ADAM10: variants seen among roughly 807,000 people sequenced by gnomAD.
The protein encoded by ADAM10 is ADAM metallopeptidase domain 10, also known as disintegrin and metalloproteinase domain-containing protein 10.
A neutral mutation model predicts 90.1 loss-of-function variants in ADAM10; 17 were observed. That is an observed-to-expected ratio of 0.19 (90% CI 0.13 to 0.28). The LOEUF (loss-of-function observed/expected upper bound fraction) is 0.28, where lower values mean the gene tolerates loss of function less well. Among genes scored for constraint, ADAM10 ranks in the 10% least tolerant of loss-of-function variants. The pLI, the probability that ADAM10 is intolerant of heterozygous loss-of-function variation, is 1.00. For synonymous variants in ADAM10, 310 were observed against 298.6 expected (o/e 1.04, Z -0.40); for missense variants, 610 against 914.3 (o/e 0.67, Z 4.29).
Position 58,591,113 on chromosome 15 carries a change from T to TA in ADAM10, c.*6433dup, listed in dbSNP as rs1432341605. ...CATGTTTAACAGAGAACAAATATTT[T>TA]ACTTAAGTAGTTAGCTAAGCCCTTC... On this transcript the variant is annotated 3_prime_UTR_variant, in exon 16 of 16. Transcript: ENST00000260408. The TA allele has an allele frequency of 6.6e-6, 1 of 151,670 alleles. No individual in the cohort carries two copies. Among genetic ancestry groups the TA allele is most frequent in the Non-Finnish European group, 1.5e-5 (1 of 68,018 alleles). 9.4% of individuals were successfully genotyped at this position (151,670 alleles called of 1,614,324 possible).
chr15:58,735,337 G>A (rs563058623), intron 1 of ADAM10, among the ~76,000 whole-genome samples: 85 of 152,134 alleles, frequency 5.6e-4, no homozygotes, highest in African/African-American at 1.9e-3. Context: ...AGGACAAAAC[G>A]AACAACAAGT....
intron 2 of ADAM10, chr15:58,692,965 T>G (rs4774310): frequency 0.36 from 265,972 of 736,810 alleles, 56,342 homozygotes; most frequent in East Asian, 0.85. Flanking sequence ...TTCCCGAGGG[T>G]TGGGGATGAT....
chr15:58,656,059 A>G (rs1803551630), intron 5 of ADAM10, among the ~76,000 whole-genome samples: 1 of 151,856 alleles, frequency 6.6e-6, no homozygotes, highest in Non-Finnish European at 1.5e-5. Context: ...CTTTATAATT[A>G]TATAGTGACT....
intron 1 of ADAM10, among the ~76,000 whole-genome samples, chr15:58,728,227 C>T (rs1221778783): frequency 2.0e-5 from 3 of 152,100 alleles, no homozygotes; most frequent in Non-Finnish European, 4.4e-5. Context: ...CTAAGTAGTT[C>T]ATGGGTCAAA....
In ADAM10 at chr15:58,589,872, G is replaced by A. The variant is rs1894789420; in HGVS notation, c.*7675C>T. ...CGCCTTTCACAACTCCCAGATTGTTGGGCCAATATCCTAAGGAGAATAACC... is the reference window on the plus strand; with the variant it reads ...CGCCTTTCACAACTCCCAGATTGTTAGGCCAATATCCTAAGGAGAATAACC... On this transcript the variant is annotated 3_prime_UTR_variant, in exon 16 of 16. Coordinates refer to ENST00000260408, the MANE Select transcript of ADAM10 (RefSeq NM_001110.4). 1 of 151,968 alleles carries A rather than the reference G, an allele frequency of 6.6e-6. No individual in the cohort carries two copies. Among genetic ancestry groups the A allele is most frequent in the Non-Finnish European group, 1.5e-5 (1 of 68,018 alleles). The allele number at this position is 151,968 out of a possible 1,614,324, so 9.4% of individuals were successfully genotyped here.
chr15:58,621,500 T>C lies in ADAM10; in HGVS notation c.1482A>G (p.Lys494=). 6.2e-7 allele frequency: 1 copy of C among 1,614,100 alleles called. No homozygotes were observed. The highest frequency in any genetic ancestry group is 2.2e-5 in the East Asian group (1 of 44,862). Residue 494 remains lysine, a synonymous_variant, in exon 11 of 16, where the codon AAA becomes AAG. Transcript: ENST00000260408. The part of the protein sequence containing the change: ...CFDANQPEGR[K]CKLKPGKQCS... Reference sequence around the variant, plus strand: ...ACTGTTTCCCAGGTTTCAGTTTGCATTTTCTTCCCTCTGGTTGATTTGCAT... The same window carrying C: ...ACTGTTTCCCAGGTTTCAGTTTGCACTTTCTTCCCTCTGGTTGATTTGCAT...
At chr15:58,691,851 T>C (rs1260170489) in intron 2 of ADAM10, among the ~76,000 whole-genome samples, 6 of 151,920 alleles carry the variant, frequency 3.9e-5, no homozygotes, top group Non-Finnish European at 7.4e-5. Context: ...AATTTTTGTA[T>C]TTTTAGTAGA....
intron 1 of ADAM10, among the ~76,000 whole-genome samples, chr15:58,720,297 T>C (rs1432955637): frequency 6.6e-6 from 1 of 152,174 alleles, no homozygotes; most frequent in East Asian, 1.9e-4. Context: ...AGTCCAAAAC[T>C]ATCTTCACAA....
At chr15:58,613,094 GC>G (rs1472050358) in intron 11 of ADAM10, among the ~76,000 whole-genome samples, 1 of 152,138 alleles carries the variant, frequency 6.6e-6, no homozygotes, top group Non-Finnish European at 1.5e-5. Context: ...GCCCCAAAAG[GC>G]GTTGCCACTG....
At chr15:58,691,686 T>C (rs1897808074) in intron 2 of ADAM10, 4 of 351,464 alleles carry the variant, frequency 1.1e-5, no homozygotes, top group Middle Eastern at 4.2e-4. Flanking sequence ...CTTTTTTTTT[T>C]TTTTTTTTTT....
intron 2 of ADAM10, among the ~76,000 whole-genome samples, chr15:58,688,999 T>TA (rs1363383911): frequency 6.8e-6 from 1 of 146,572 alleles, no homozygotes; most frequent in Non-Finnish European, 1.5e-5. Context: ...GATAAAATGA[T>TA]AAAAAACTTC....
chr15:58,674,234 C>T (rs1412054753), intron 4 of ADAM10, among the ~76,000 whole-genome samples: 1 of 152,142 alleles, frequency 6.6e-6, no homozygotes, highest in African/African-American at 2.4e-5. Context: ...GTCAACAATA[C>T]CACTAAATTT....
chr15:58,646,333 T>C (rs1261376726), intron 5 of ADAM10, 129 bp from the exon 6 acceptor site: 1 of 962,386 alleles, frequency 1.0e-6, no homozygotes, highest in African/African-American at 1.7e-5. Flanking sequence ...TCTGCTGCCA[T>C]TAAAAGTTCA....
chr15:58,674,144 G>C (rs563540528), intron 4 of ADAM10, among the ~76,000 whole-genome samples: 2 of 151,670 alleles, frequency 1.3e-5, no homozygotes, highest in East Asian at 3.9e-4. Flanking sequence ...TCAACTTTTC[G>C]GCTTCTGTGC....
chr15:58,744,341 T>C (rs978473190), intron 1 of ADAM10, among the ~76,000 whole-genome samples: 1 of 152,212 alleles, frequency 6.6e-6, no homozygotes, highest in Admixed American at 6.5e-5. Context: ...TCATTTCACA[T>C]GCAAGCATGT....
Position 58,646,285 on chromosome 15 carries a change from C to T in ADAM10, c.586-81G>A, listed in dbSNP as rs891292563. On this transcript the variant is annotated intron_variant, in intron 5 of 15. Coordinates refer to ENST00000260408, the MANE Select transcript of ADAM10 (RefSeq NM_001110.4). ...TCTAATTAAGAATACATACTATAAACAATTTCATATTCTGCTTTATATAAC... is the reference window on the plus strand; with the variant it reads ...TCTAATTAAGAATACATACTATAAATAATTTCATATTCTGCTTTATATAAC... 11 of 1,375,774 alleles carry T rather than the reference C, an allele frequency of 8.0e-6. No individual in the cohort carries two copies. The African/African-American group carries it at 1.5e-4, about 18-fold the overall frequency. 85.2% of individuals were successfully genotyped at this position (1,375,774 alleles called of 1,614,324 possible). A position where few individuals can be genotyped will look rare whatever the true frequency, so the allele number is the denominator to read the frequency against.
chr15:58,655,850 G>A (rs1211509364), intron 5 of ADAM10, among the ~76,000 whole-genome samples: 1 of 144,932 alleles, frequency 6.9e-6, no homozygotes, highest in East Asian at 2.1e-4. Context: ...GGGTTCAAGT[G>A]ATTCTCCTGC....
intron 2 of ADAM10, among the ~76,000 whole-genome samples, chr15:58,687,040 A>G (rs1396414565): frequency 3.3e-5 from 5 of 152,222 alleles, no homozygotes; most frequent in Non-Finnish European, 7.3e-5. Flanking sequence ...TTGTTCCTGG[A>G]AGATATTTAT....
At chr15:58,647,500 G>A (rs537183285) in intron 5 of ADAM10, among the ~76,000 whole-genome samples, 1 of 151,428 alleles carries the variant, frequency 6.6e-6, no homozygotes, top group East Asian at 1.9e-4. Flanking sequence ...TCCTGACCTC[G>A]TGATCCGCCC....
Sources: gnomAD v4.1 joint callset for allele counts (sites outside exome capture counted in the v4.1 genomes callset) on GRCh38, gnomAD v4.1.1 for gene constraint, MANE v1.5 for transcripts, NCBI Gene and HGNC (gene_info 2026-07-23, HGNC 2026-07-21) for gene names.